Variants in STK32B observed in about 807,000 individuals in gnomAD.
STK32B encodes the protein serine/threonine kinase 32B.
STK32B carries 43 observed loss-of-function variants against 52.6 expected under a neutral mutation model. The observed-to-expected ratio is 0.82, with a 90% CI of 0.64 to 1.05. STK32B has a LOEUF of 1.05. Ranked by LOEUF, STK32B falls within the 50% of genes least tolerant of loss-of-function variation. STK32B has a pLI of 0.00. For synonymous variants in STK32B, 238 were observed against 204.3 expected, an observed-to-expected ratio of 1.17 and a Z score of -1.41; for missense variants, 621 against 534.6, an observed-to-expected ratio of 1.16 and a Z score of -1.59.
intron 7 of STK32B, among the ~76,000 whole-genome samples, chr4:5,452,093 G>A (rs1212820225): frequency 6.6e-6 from 1 of 152,196 alleles, no homozygotes; most frequent in Non-Finnish European, 1.5e-5. Context: ...CATGAGCAGA[G>A]ATGTGTTCCC....
intron 9 of STK32B, among the ~76,000 whole-genome samples, chr4:5,461,705 G>T (rs546716127): frequency 3.2e-4 from 49 of 152,204 alleles, no homozygotes; most frequent in Non-Finnish European, 6.3e-4. Context: ...CACTTCCCTC[G>T]CAGGCAGGGC....
At chr4:5,405,142 CA>C (rs1257313293) in intron 5 of STK32B, among the ~76,000 whole-genome samples, 1 of 151,778 alleles carries the variant, frequency 6.6e-6, no homozygotes, top group Non-Finnish European at 1.5e-5. Flanking sequence ...GGGATTTTCA[CA>C]AATAAGAAAT....
At chr4:5,140,306 G>A in intron 2 of STK32B, 1 of 1,311,374 alleles carries the variant, frequency 7.6e-7, no homozygotes, top group Non-Finnish European at 1.0e-6. Flanking sequence ...TTGTTGTTTT[G>A]GTAAGTTCAT....
chr4:5,479,646 G>T (rs1025772939), intron 11 of STK32B, among the ~76,000 whole-genome samples: 1 of 152,196 alleles, frequency 6.6e-6, no homozygotes, highest in African/African-American at 2.4e-5. Context: ...TGGCAGCAGG[G>T]CTTGGGTAAC....
At chr4:5,436,249 A>G (rs973070943) in intron 6 of STK32B, among the ~76,000 whole-genome samples, 2 of 152,250 alleles carry the variant, frequency 1.3e-5, no homozygotes, top group Non-Finnish European at 2.9e-5. Context: ...CCCTGTGAAC[A>G]TCACCAAAGC....
intron 3 of STK32B, among the ~76,000 whole-genome samples, chr4:5,324,825 C>T (rs140924540): frequency 2.0e-5 from 3 of 152,302 alleles, no homozygotes; most frequent in Non-Finnish European, 4.4e-5. Context: ...AGTGTGGGTC[C>T]ATCCAGGGAC....
chr4:5,383,292 C>T lies in STK32B; in HGVS notation c.435-14915C>T, dbSNP rs114125483. ...GATGCTCCTGCCCTCCCCTGTCACA[C>T]GAGGCAAACTGAACATGCCTGGCTC... On this transcript the variant is annotated intron_variant, in intron 4 of 11. Transcript: ENST00000282908. Among the ~76,000 whole-genome samples the T allele has an allele frequency of 6.3e-3, 964 of 152,292 alleles. 12 individuals are homozygous for T. Among genetic ancestry groups the T allele is most frequent in the African/African-American group, 0.021 (878 of 41,538 alleles).
intron 4 of STK32B, among the ~76,000 whole-genome samples, chr4:5,397,288 A>G (rs1736981816): frequency 6.6e-6 from 1 of 152,216 alleles, no homozygotes; most frequent in Non-Finnish European, 1.5e-5. Context: ...CGTCAATAAT[A>G]AGTAAGCTGG....
chr4:5,430,262 C>T (rs1560404141), intron 6 of STK32B, among the ~76,000 whole-genome samples: 1 of 152,178 alleles, frequency 6.6e-6, no homozygotes, highest in Non-Finnish European at 1.5e-5. Flanking sequence ...TTTACATGCC[C>T]TCTTCTCCCC....
intron 3 of STK32B, among the ~76,000 whole-genome samples, chr4:5,223,841 A>C (rs528331588): frequency 2.0e-5 from 3 of 149,730 alleles, no homozygotes; most frequent in South Asian, 4.2e-4. Flanking sequence ...AAAAAGTAAC[A>C]TTATTCTCCA....
At chr4:5,244,112 T>C (rs1725255527) in intron 3 of STK32B, among the ~76,000 whole-genome samples, 1 of 152,098 alleles carries the variant, frequency 6.6e-6, no homozygotes, top group East Asian at 1.9e-4. Context: ...TTAGGGAGGA[T>C]TCTGTCTTTT....
intron 4 of STK32B, among the ~76,000 whole-genome samples, chr4:5,389,684 A>G (rs1427080013): frequency 2.0e-5 from 3 of 152,230 alleles, no homozygotes; most frequent in Non-Finnish European, 4.4e-5. Flanking sequence ...ACACGATTCA[A>G]TCCATCACAC....
At chr4:5,085,523 T>C (rs574587292) in intron 1 of STK32B, among the ~76,000 whole-genome samples, 4 of 152,318 alleles carry the variant, frequency 2.6e-5, no homozygotes, top group South Asian at 4.1e-4. Context: ...GAAGCATGGC[T>C]CCGGATAGTT....
intron 3 of STK32B, among the ~76,000 whole-genome samples, chr4:5,318,095 TTGTGCACGTGTGTGTGTGTG>T (rs1203342051): frequency 2.0e-5 from 3 of 147,776 alleles, no homozygotes; most frequent in African/African-American, 8.0e-5. Flanking sequence ...TTGTGTGTGC[TTGTGCACGTGTGTGTGTGTG>T]TGTGCACGCT....
intron 3 of STK32B, among the ~76,000 whole-genome samples, chr4:5,284,348 C>T (rs904677314): frequency 6.6e-5 from 10 of 151,896 alleles, no homozygotes; most frequent in African/African-American, 2.2e-4. Flanking sequence ...AACTTTAACT[C>T]TAAAAACTAG....
Position 5,266,514 on chromosome 4 carries a change from G to A in STK32B, c.261-64706G>A, listed in dbSNP as rs550284525. Among the ~76,000 whole-genome samples, 3 of 152,298 alleles carry A rather than the reference G, an allele frequency of 2.0e-5. No homozygotes were observed. In the East Asian group the frequency reaches 5.8e-4, roughly 29 times the overall value. On this transcript the variant is annotated intron_variant, in intron 3 of 11. Transcript: ENST00000282908. ...CACACATGGGACTCCATTGAGAGGT[G>A]GCGTGAACTCCGGGAAAAGGTGAGG...
chr4:5,405,494 G>C (rs920436243), intron 5 of STK32B, among the ~76,000 whole-genome samples: 2 of 152,152 alleles, frequency 1.3e-5, no homozygotes, highest in African/African-American at 4.8e-5. Flanking sequence ...AGGTGCGGCT[G>C]TGTTAGTCCA....
At chr4:5,168,229 G>C in intron 2 of STK32B, 70 bp from the exon 3 acceptor site, 2 of 1,549,826 alleles carry the variant, frequency 1.3e-6, no homozygotes, top group Non-Finnish European at 1.8e-6. Flanking sequence ...TGCAGTGCGG[G>C]GTGACATTTC....
chr4:5,093,440 A>G (rs1457693373), intron 1 of STK32B, among the ~76,000 whole-genome samples: 1 of 152,052 alleles, frequency 6.6e-6, no homozygotes, highest in Non-Finnish European at 1.5e-5. Context: ...TCGAGTATCT[A>G]CTCTCAGCAA....
Sources: allele counts gnomAD v4.1 joint callset (sites outside exome capture counted in the v4.1 genomes callset), GRCh38; gene constraint gnomAD v4.1.1; transcripts MANE v1.5; gene names NCBI Gene and HGNC (gene_info 2026-07-23, HGNC 2026-07-21).